Variants in MYOZ3 observed in about 807,000 individuals in gnomAD.
MYOZ3 encodes myozenin 3, also known as myozenin-3.
In MYOZ3, 19 loss-of-function variants were observed where a neutral mutation model predicts 26.5. The ratio of observed to expected loss-of-function variants is 0.72; its 90% CI spans 0.50 to 1.05. The LOEUF (loss-of-function observed/expected upper bound fraction) is 1.05. Ranked by LOEUF, MYOZ3 falls within the 50% of genes least tolerant of loss-of-function variation. The pLI, the probability that MYOZ3 is intolerant of heterozygous loss-of-function variation, is 0.00. For synonymous variants in MYOZ3, 135 were observed against 138.8 expected (o/e 0.97, Z 0.19); for missense variants, 322 against 337.1 (o/e 0.96, Z 0.35).
At position 150,663,003 on chromosome 5, in the gene MYOZ3, G is replaced by T. The variant is rs1379924482; in HGVS notation, c.61+1G>T. ...GCCATGGGGGACCTCACTGAACCAGGTAAGGTGGTTCTAGCCTCATGCCTT... is the reference window on the plus strand; with the variant it reads ...GCCATGGGGGACCTCACTGAACCAGTTAAGGTGGTTCTAGCCTCATGCCTT... On this transcript the variant is annotated splice_donor_variant, in intron 2 of 6. Coordinates refer to ENST00000517768, the MANE Select transcript of MYOZ3 (RefSeq NM_001122853.3). LOFTEE classifies it high-confidence loss of function. 6.2e-7 allele frequency: 1 copy of T among 1,608,352 alleles called. No homozygotes were observed. Among genetic ancestry groups the T allele is most frequent in the African/African-American group, 1.3e-5 (1 of 74,718 alleles).
intron 6 of MYOZ3, among the ~76,000 whole-genome samples, chr5:150,676,190 G>A (rs1759002601): frequency 6.6e-6 from 1 of 152,056 alleles, no homozygotes; most frequent in Non-Finnish European, 1.5e-5. Flanking sequence ...CTATTGCTAA[G>A]CAACGAACCA....
At chr5:150,675,818 C>A (rs904109020) in intron 6 of MYOZ3, among the ~76,000 whole-genome samples, 3 of 152,186 alleles carry the variant, frequency 2.0e-5, no homozygotes, top group African/African-American at 7.2e-5. Context: ...TTTCCTAAGC[C>A]ATATGCTCAG....
At position 150,671,589 on chromosome 5, in the gene MYOZ3, G is replaced by T; in HGVS notation, c.217-8G>T. 6.2e-7 allele frequency: 1 copy of T among 1,613,738 alleles called. No homozygotes were observed. Among genetic ancestry groups the T allele is most frequent in the South Asian group, 1.1e-5 (1 of 91,074 alleles). On this transcript the variant is annotated splice_region_variant and splice_polypyrimidine_tract_variant and intron_variant, in intron 3 of 6. Coordinates refer to ENST00000517768, the MANE Select transcript of MYOZ3 (RefSeq NM_001122853.3). The stretch of plus-strand genomic sequence containing the variant: ...TCTCTGCGGTTTATTCTACCCCCTC[G>T]TTCCCAGATGCTGGCCGGAAGCGCC...
intron 1 of MYOZ3, among the ~76,000 whole-genome samples, chr5:150,662,315 C>G (rs965766007): frequency 6.6e-6 from 1 of 152,112 alleles, no homozygotes; most frequent in Non-Finnish European, 1.5e-5. Flanking sequence ...GGGGATGGAA[C>G]AGGAGGAAGA....
intron 2 of MYOZ3, among the ~76,000 whole-genome samples, chr5:150,664,768 C>T (rs1283059054): frequency 1.3e-5 from 2 of 152,130 alleles, no homozygotes; most frequent in Non-Finnish European, 2.9e-5. Context: ...TTCTTTATTA[C>T]ATGGTTACAA....
chr5:150,672,135 C>A, intron 5 of MYOZ3: 2 of 1,028,522 alleles, frequency 1.9e-6, no homozygotes, highest in Non-Finnish European at 2.9e-6. Flanking sequence ...GAACTCGTGG[C>A]TTCCTCACTG....
intron 6 of MYOZ3, 191 bp downstream of exon 6, chr5:150,672,693 A>G (rs1476997229): frequency 3.2e-6 from 2 of 618,690 alleles, no homozygotes; most frequent in African/African-American, 3.8e-5. Flanking sequence ...AACGTGGGAG[A>G]AATGAAGAGT....
chr5:150,670,357 C>G, intron 2 of MYOZ3, 127 bp from the exon 3 acceptor site: 1 of 1,072,210 alleles, frequency 9.3e-7, no homozygotes, highest in African/African-American at 1.6e-5. Flanking sequence ...ACAATCATGA[C>G]ACCCGGTGTC....
Position 150,676,937 on chromosome 5 carries a change from T to C in MYOZ3, c.*62T>C. On this transcript the variant is annotated 3_prime_UTR_variant, in exon 7 of 7. Transcript: ENST00000517768. ...CCTGGTAACATCCGGAGCCAAGACT[T>C]GTGGACAGCACTTCACAGTTGAAGA... The C allele has an allele frequency of 6.6e-7, 1 of 1,520,508 alleles. No homozygotes were observed. The highest frequency in any genetic ancestry group is 2.3e-5 in the East Asian group (1 of 44,030). 94.2% of individuals were successfully genotyped at this position (1,520,508 alleles called of 1,614,324 possible).
At chr5:150,670,261 C>A (rs1339277995) in intron 2 of MYOZ3, 2 of 422,344 alleles carry the variant, frequency 4.7e-6, no homozygotes, top group East Asian at 7.4e-5. Context: ...ACTTCGGAAA[C>A]AGTGCTAAAC....
At chr5:150,671,460 A>T in intron 3 of MYOZ3, 137 bp from the exon 4 acceptor site, 1 of 842,920 alleles carries the variant, frequency 1.2e-6, no homozygotes, top group Admixed American at 2.3e-5. Flanking sequence ...GTTGTAAACT[A>T]GTAACTCATC....
chr5:150,661,872 C>T (rs1392510710), intron 1 of MYOZ3, among the ~76,000 whole-genome samples: 2 of 152,198 alleles, frequency 1.3e-5, no homozygotes, highest in Non-Finnish European at 2.9e-5. Flanking sequence ...CTCATGTTTA[C>T]GTATAGTTTT....
At chr5:150,674,337 A>G (rs911912966) in intron 6 of MYOZ3, among the ~76,000 whole-genome samples, 15 of 152,240 alleles carry the variant, frequency 9.9e-5, no homozygotes, top group African/African-American at 3.6e-4. Flanking sequence ...AGCAAGGCAC[A>G]TTCCCACCAG....
chr5:150,672,112 C>A (rs999417241), intron 5 of MYOZ3: 1 of 1,060,906 alleles, frequency 9.4e-7, no homozygotes, highest in Non-Finnish European at 1.4e-6. Flanking sequence ...AGGCCAAGAC[C>A]AACCCGCGCT....
At chr5:150,672,088 C>A in intron 5 of MYOZ3, 180 bp downstream of exon 5, 1 of 1,123,016 alleles carries the variant, frequency 8.9e-7, no homozygotes, top group Non-Finnish European at 1.3e-6. Context: ...CCAGGTCACA[C>A]AGCGAGTCAG....
intron 2 of MYOZ3, among the ~76,000 whole-genome samples, chr5:150,667,292 AC>A (rs1490552761): frequency 2.6e-5 from 4 of 151,990 alleles, no homozygotes; most frequent in African/African-American, 9.7e-5. Context: ...CTCTTCTCAA[AC>A]CTCCAATACC....
chr5:150,669,303 C>A (rs1423586437), intron 2 of MYOZ3: 1 of 151,952 alleles, frequency 6.6e-6, no homozygotes, highest in African/African-American at 2.4e-5. Flanking sequence ...CAAAAATTAG[C>A]TGGGCGTGGT....
At chr5:150,672,530 C>A in intron 6 of MYOZ3, 28 bp downstream of exon 6, 1 of 1,540,114 alleles carries the variant, frequency 6.5e-7, no homozygotes, top group Non-Finnish European at 8.7e-7. Flanking sequence ...GCCCGGGGGA[C>A]AGACCGGGAG....
chr5:150,662,334 G>A (rs1758747287), intron 1 of MYOZ3, among the ~76,000 whole-genome samples: 1 of 152,148 alleles, frequency 6.6e-6, no homozygotes, highest in South Asian at 2.1e-4. Flanking sequence ...GAGAAGGGAC[G>A]AGGGAGAAGA....
Sources: allele counts gnomAD v4.1 joint callset (sites outside exome capture counted in the v4.1 genomes callset), GRCh38; gene constraint gnomAD v4.1.1; transcripts MANE v1.5; gene names NCBI Gene and HGNC (gene_info 2026-07-23, HGNC 2026-07-21).